HLA-DQA2: variants seen among roughly 807,000 people sequenced by gnomAD.
HLA-DQA2 encodes the protein major histocompatibility complex, class II, DQ alpha 2.
HLA-DQA2 carries 17 observed loss-of-function variants against 21.0 expected under a neutral mutation model. That is an observed-to-expected ratio of 0.81 (90% CI 0.56 to 1.22). The LOEUF (loss-of-function observed/expected upper bound fraction) is 1.22. Ranked by LOEUF, HLA-DQA2 falls within the 50% of genes most tolerant of loss-of-function variation. The pLI is 0.00. For missense variants in HLA-DQA2, 239 were observed against 308.8 expected (o/e 0.77, Z 1.69); for synonymous variants, 81 against 116.5 (o/e 0.70, Z 1.96).
In HLA-DQA2 at chr6:32,745,787, A is replaced by T. The variant is rs1763536103; in HGVS notation, c.332-4A>T. The T allele has an allele frequency of 6.2e-7, 1 of 1,612,972 alleles. No homozygotes were observed. The highest frequency in any genetic ancestry group is 1.3e-5 in the African/African-American group (1 of 74,936). ...TTCACATCAGTGCTGTTTCCTCACC[A>T]CAGAGGTTCCTGAGGTCACAGTGTT... On this transcript the variant is annotated splice_polypyrimidine_tract_variant and splice_region_variant and intron_variant, in intron 2 of 4. Coordinates refer to ENST00000374940, the MANE Select transcript of HLA-DQA2 (RefSeq NM_020056.5).
intron 1 of HLA-DQA2, 150 bp downstream of exon 1, chr6:32,741,675 G>A (rs1461450799): frequency 2.0e-5 from 15 of 739,582 alleles, no homozygotes; most frequent in Non-Finnish European, 3.3e-5. Flanking sequence ...TCCTCCTTTA[G>A]GAAACCAGAG....
Position 32,746,866 on chromosome 6 carries a change from A to T in HLA-DQA2, c.*305A>T, listed in dbSNP as rs1416767022. The T allele has an allele frequency of 2.9e-6, 1 of 342,800 alleles. No individual in the cohort carries two copies. The highest frequency in any genetic ancestry group is 7.4e-5 in the East Asian group (1 of 13,584). 21.2% of individuals were successfully genotyped at this position (342,800 alleles called of 1,614,324 possible). A position where few individuals can be genotyped will look rare whatever the true frequency, so the allele number is the denominator to read the frequency against. ...TCAATGACCTTTATCTAAAATCTCC[A>T]TGGAAGCAATAAATTCCCTTTTGAT... is the stretch of plus-strand genomic sequence containing the variant. On this transcript the variant is annotated 3_prime_UTR_variant, in exon 5 of 5. Transcript: ENST00000374940.
chr6:32,746,691 C>A lies in HLA-DQA2; in HGVS notation c.*130C>A. Reference sequence around the variant, plus strand: ...TCTCCTCCAAATGTTTCTTCTCTCACCTCTTCTCTGGGACTTAAGGTGCTA... The same window carrying A: ...TCTCCTCCAAATGTTTCTTCTCTCAACTCTTCTCTGGGACTTAAGGTGCTA... On this transcript the variant is annotated 3_prime_UTR_variant, in exon 5 of 5. Transcript: ENST00000374940. 1 of 643,866 alleles carries A rather than the reference C, an allele frequency of 1.6e-6. No individual in the cohort carries two copies. The highest frequency in any genetic ancestry group is 2.9e-6 in the Non-Finnish European group (1 of 349,052). 39.9% of individuals were successfully genotyped at this position (643,866 alleles called of 1,614,324 possible). A position where few individuals can be genotyped will look rare whatever the true frequency, so the allele number is the denominator to read the frequency against.
chr6:32,744,113 G>T (rs1172643209), intron 1 of HLA-DQA2, among the ~76,000 whole-genome samples: 1 of 152,140 alleles, frequency 6.6e-6, no homozygotes, highest in South Asian at 2.1e-4. Flanking sequence ...CTCCCTTACC[G>T]ACCTGATTCT....
chr6:32,745,829 A>T lies in HLA-DQA2; in HGVS notation c.370A>T (p.Thr124Ser). 1.2e-6 allele frequency: 2 copies of T among 1,613,104 alleles called. No homozygotes were observed. The highest frequency in any genetic ancestry group is 1.7e-6 in the Non-Finnish European group (2 of 1,180,034). The change falls in exon 3 of 5, where the codon ACG (threonine) becomes TCG (serine). Residue 124 changes from threonine (T) to serine (S), a missense_variant. Physicochemically the swap from Thr to Ser is moderately conservative, Grantham distance 58. Transcript: ENST00000374940. ...CACAGTGTTTTCCAAGTTTCCTGTG[A>T]CGCTGGGTCAGCCCAACACCCTCAT... ...EVTVFSKFPVTLGQPNTLICL... is the reference protein window; with the variant it reads ...EVTVFSKFPVSLGQPNTLICL...
intron 1 of HLA-DQA2, among the ~76,000 whole-genome samples, chr6:32,744,743 G>A (rs536124194): frequency 6.6e-6 from 1 of 151,872 alleles, no homozygotes; most frequent in African/African-American, 2.4e-5. Context: ...AGGAAACGAA[G>A]TATAATCAAC....
chr6:32,746,343 C>T lies in HLA-DQA2; in HGVS notation c.717C>T (p.Ile239=). The part of the protein sequence containing the change: ...LMGIVVGTVF[I]IQGLRSVGAS... The stretch of plus-strand genomic sequence containing the variant: ...GCATTGTGGTGGGCACTGTCTTCAT[C>T]ATCCAAGGCCTGCGTTCAGTTGGTG... Residue 239 remains isoleucine, a synonymous_variant, in exon 4 of 5, where the codon ATC becomes ATT. Coordinates refer to ENST00000374940, the MANE Select transcript of HLA-DQA2 (RefSeq NM_020056.5). The T allele has an allele frequency of 1.9e-6, 3 of 1,613,128 alleles. No homozygotes were observed. Among genetic ancestry groups the T allele is most frequent in the Non-Finnish European group, 2.5e-6 (3 of 1,180,042 alleles).
intron 3 of HLA-DQA2, 38 bp downstream of exon 3, chr6:32,746,110 A>G: frequency 2.0e-6 from 3 of 1,497,276 alleles, no homozygotes; most frequent in South Asian, 1.1e-5. Context: ...GTTTCTAATA[A>G]TAGACTTCAC....
chr6:32,745,809 T>G lies in HLA-DQA2; in HGVS notation c.350T>G (p.Val117Gly), dbSNP rs142926877. 3.2e-5 allele frequency: 51 copies of G among 1,613,014 alleles called. 1 individual carries two copies. The African/African-American group carries it at 4.8e-4, about 15-fold the overall frequency. The change falls in exon 3 of 5, where the codon GTG becomes GGG. Residue 117 changes from valine (V) to glycine (G), a missense_variant. Physicochemically the swap from Val to Gly is moderately radical, Grantham distance 109. Coordinates refer to ENST00000374940, the MANE Select transcript of HLA-DQA2 (RefSeq NM_020056.5). Reference protein sequence around the residue: ...AATNEVPEVTVFSKFPVTLGQ... With the variant: ...AATNEVPEVTGFSKFPVTLGQ... ...ACCACAGAGGTTCCTGAGGTCACAG[T>G]GTTTTCCAAGTTTCCTGTGACGCTG...
At chr6:32,744,612 C>G (rs1763433196) in intron 1 of HLA-DQA2, among the ~76,000 whole-genome samples, 1 of 151,702 alleles carries the variant, frequency 6.6e-6, no homozygotes, top group African/African-American at 2.4e-5. Flanking sequence ...TTTCTTGTAC[C>G]CTATAATTGT....
Position 32,746,946 on chromosome 6 carries a change from T to C in HLA-DQA2, c.*385T>C. 1 of 290,524 alleles carries C rather than the reference T, an allele frequency of 3.4e-6. No individual in the cohort carries two copies. The highest frequency in any genetic ancestry group is 3.1e-5 in the South Asian group (1 of 32,586). The allele number at this position is 290,524 out of a possible 1,614,324, so 18.0% of individuals were successfully genotyped here. ...CTCAGGGCTGACTGAGAGCATAACT[T>C]AGAATGGGCGACTCTTATGTTTTAG... On this transcript the variant is annotated 3_prime_UTR_variant, in exon 5 of 5. Transcript: ENST00000374940.
intron 1 of HLA-DQA2, among the ~76,000 whole-genome samples, chr6:32,742,306 A>T (rs887172099): frequency 3.3e-5 from 5 of 152,206 alleles, no homozygotes; most frequent in African/African-American, 9.7e-5. Flanking sequence ...TGGTAAATTA[A>T]ATTATTTTAT....
rs759132441 is a variant in HLA-DQA2, at chr6:32,746,287, T to C, written c.661T>C (p.Cys221Arg). 6.2e-7 allele frequency: 1 copy of C among 1,613,134 alleles called. No individual in the cohort carries two copies. Among genetic ancestry groups the C allele is most frequent in the East Asian group, 2.2e-5 (1 of 44,892 alleles). ...PMSELTETLV[C>R]ALGLSVGLMG... ...GTCAGAGCTCACAGAGACTTTGGTC[T>C]GCGCCCTGGGGTTGTCTGTGGGCCT... is the stretch of plus-strand genomic sequence containing the variant. Residue 221 changes from cysteine (C) to arginine (R), a missense_variant, in exon 4 of 5, where the codon TGC (cysteine) becomes CGC (arginine). Coordinates refer to ENST00000374940, the MANE Select transcript of HLA-DQA2 (RefSeq NM_020056.5).
At chr6:32,743,040 T>C (rs1763327056) in intron 1 of HLA-DQA2, among the ~76,000 whole-genome samples, 1 of 148,784 alleles carries the variant, frequency 6.7e-6, no homozygotes, top group Non-Finnish European at 1.5e-5. Context: ...TAATTTTTTG[T>C]ATTTTTAGTA....
chr6:32,744,229 G>A (rs898195062), intron 1 of HLA-DQA2, among the ~76,000 whole-genome samples: 1 of 151,384 alleles, frequency 6.6e-6, no homozygotes, highest in Non-Finnish European at 1.5e-5. Context: ...AGATAAAATG[G>A]TAAAGGGCTC....
intron 1 of HLA-DQA2, among the ~76,000 whole-genome samples, chr6:32,744,427 G>GGAA (rs142793954): frequency 4.7e-5 from 7 of 147,688 alleles, no homozygotes; most frequent in African/African-American, 1.5e-4. Flanking sequence ...TCCTTCAGAG[G>GGAA]AAAAAAAAAA....
At chr6:32,742,479 C>T (rs4455709) in intron 1 of HLA-DQA2, among the ~76,000 whole-genome samples, 8,728 of 152,174 alleles carry the variant, frequency 0.057, 673 homozygotes, top group African/African-American at 0.18. Flanking sequence ...CTCCCTCTTC[C>T]CTTTCAGGAT....
At position 32,746,719 on chromosome 6, in the gene HLA-DQA2, T is replaced by G; in HGVS notation, c.*158T>G. 1.0e-5 allele frequency: 6 copies of G among 578,586 alleles called. No individual in the cohort carries two copies. Among genetic ancestry groups the G allele is most frequent in the East Asian group, 3.9e-5 (1 of 25,670 alleles). The allele number at this position is 578,586 out of a possible 1,614,324, so 35.8% of individuals were successfully genotyped here. A position where few individuals can be genotyped will look rare whatever the true frequency, so the allele number is the denominator to read the frequency against. On this transcript the variant is annotated 3_prime_UTR_variant, in exon 5 of 5. Coordinates refer to ENST00000374940, the MANE Select transcript of HLA-DQA2 (RefSeq NM_020056.5). ...CTTCTCTGGGACTTAAGGTGCTATA[T>G]TCCCTCAGAGCTCACAAATGCCTTT...
intron 3 of HLA-DQA2, 73 bp from the exon 4 acceptor site, chr6:32,746,167 C>T: frequency 1.9e-6 from 3 of 1,566,578 alleles, no homozygotes; most frequent in Middle Eastern, 1.7e-4. Flanking sequence ...GCCAGCCCTC[C>T]ACCCCATCCC....
Sources: gnomAD v4.1 joint callset for allele counts (sites outside exome capture counted in the v4.1 genomes callset) on GRCh38, gnomAD v4.1.1 for gene constraint, MANE v1.5 for transcripts, NCBI Gene and HGNC (gene_info 2026-07-23, HGNC 2026-07-21) for gene names.